Variants in PMEPA1 observed in about 807,000 individuals in gnomAD.
PMEPA1 encodes the protein protein TMEPAI.
A neutral mutation model predicts 23.0 loss-of-function variants in PMEPA1; 11 were observed. That is an observed-to-expected ratio of 0.48 (90% CI 0.30 to 0.79). PMEPA1 has a LOEUF of 0.79. Among genes scored for constraint, PMEPA1 ranks in the 30% least tolerant of loss-of-function variants. PMEPA1 has a pLI of 0.06. For synonymous variants in PMEPA1, 204 were observed against 166.4 expected (o/e 1.23, Z -1.74); for missense variants, 377 against 390.9 (o/e 0.96, Z 0.30).
rs376977701 is a variant in PMEPA1, at chr20:57,656,628, G to T, written c.264+2915C>A. Among the ~76,000 whole-genome samples, 1 of 152,164 alleles carries T rather than the reference G, an allele frequency of 6.6e-6. No homozygotes were observed. The highest frequency in any genetic ancestry group is 1.5e-5 in the Non-Finnish European group (1 of 68,026). ...GGTCGAGGGGCTTGCCTGCACTGGA[G>T]CCTCACCCTCAGAGGGCAGATCCTT... On this transcript the variant is annotated intron_variant, in intron 2 of 3. Transcript: ENST00000341744. The surrounding 1 kb of genome is among the most constrained non-coding windows in gnomAD (Gnocchi z 4.7).
chr20:57,694,038 C>T (rs1653022948), intron 1 of PMEPA1, among the ~76,000 whole-genome samples: 1 of 152,206 alleles, frequency 6.6e-6, no homozygotes, highest in African/African-American at 2.4e-5. Flanking sequence ...GCAGCAGGGC[C>T]ACAGCCTGGA....
intron 1 of PMEPA1, among the ~76,000 whole-genome samples, chr20:57,662,053 A>C (rs203371): frequency 6.8e-6 from 1 of 146,264 alleles, no homozygotes; most frequent in African/African-American, 2.6e-5. Flanking sequence ...CTGGGGCCGC[A>C]TCTGCACCCA....
chr20:57,684,663 A>G (rs867856884), intron 1 of PMEPA1, among the ~76,000 whole-genome samples: 30 of 152,346 alleles, frequency 2.0e-4, no homozygotes, highest in Middle Eastern at 3.4e-3. Context: ...CGCTATGGCA[A>G]TGAGGTTAAT....
At chr20:57,670,382 C>A (rs2071551946) in intron 1 of PMEPA1, among the ~76,000 whole-genome samples, 1 of 152,108 alleles carries the variant, frequency 6.6e-6, no homozygotes, top group Non-Finnish European at 1.5e-5. Context: ...CACCACCCGG[C>A]CTCAAGCCCC....
intron 1 of PMEPA1, among the ~76,000 whole-genome samples, chr20:57,707,558 G>A (rs575397946): frequency 6.6e-6 from 1 of 152,040 alleles, no homozygotes; most frequent in Non-Finnish European, 1.5e-5. Flanking sequence ...AGAGGGCGGC[G>A]GCAAGGCATT....
At chr20:57,659,875 G>A (rs2071388788) in intron 1 of PMEPA1, among the ~76,000 whole-genome samples, 178 bp from the exon 2 acceptor site, 2 of 152,252 alleles carry the variant, frequency 1.3e-5, no homozygotes, top group African/African-American at 4.8e-5. Context: ...TGGGGTACGT[G>A]CAGGGAAGCT....
rs1359036674 is a variant in PMEPA1 at position 57,652,577 on chromosome 20, G to C, written c.340C>G (p.Arg114Gly). 15 of 1,503,154 alleles carry C rather than the reference G, an allele frequency of 1.0e-5. No individual in the cohort carries two copies. The highest frequency in any genetic ancestry group is 1.3e-5 in the Non-Finnish European group (15 of 1,126,420). The allele number at this position is 1,503,154 out of a possible 1,614,324, so 93.1% of individuals were successfully genotyped here. ...GGCACGGCCAGGCGGTCGGTGGGCC[G>C]AGGCGGGGCGTAGACCTGCGGCTGG... ...IPEPQVYAPP[R>G]PTDRLAVPPF... Residue 114 changes from arginine to glycine, a missense_variant, in exon 4 of 4, where the codon CGG becomes GGG. Arg to Gly is a moderately radical substitution (Grantham distance 125). Around this residue, in one of 3 missense-constraint regions of PMEPA1, gnomAD observed 198 missense variants for 196.3 expected, o/e 1.01. Transcript: ENST00000341744. The surrounding 1 kb of genome is among the most constrained non-coding windows in gnomAD (Gnocchi z 6.1).
rs575307613 is a variant in PMEPA1, at chr20:57,689,976, T to A, written c.109+19498A>T. ...CAGCAGCCGAGGTCCATGGGGCACT[T>A]ACTGTGTGCGAGGCATTTGCTGAGC... On this transcript the variant is annotated intron_variant, in intron 1 of 3. Coordinates refer to ENST00000341744, the MANE Select transcript of PMEPA1 (RefSeq NM_020182.5). Among the ~76,000 whole-genome samples, 4 of 152,336 alleles carry A rather than the reference T, an allele frequency of 2.6e-5. No homozygotes were observed. The East Asian group carries it at 7.7e-4, about 29-fold the overall frequency.
chr20:57,671,278 T>G (rs958126609), intron 1 of PMEPA1, among the ~76,000 whole-genome samples: 5 of 152,010 alleles, frequency 3.3e-5, no homozygotes, highest in Non-Finnish European at 7.4e-5. Context: ...ATGTCGGAGG[T>G]GCATAACATC....
At chr20:57,666,492 G>T (rs1195781210) in intron 1 of PMEPA1, among the ~76,000 whole-genome samples, 2 of 152,214 alleles carry the variant, frequency 1.3e-5, no homozygotes, top group African/African-American at 4.8e-5. Context: ...CCAAGGCTCA[G>T]AAATGAGTTC....
chr20:57,663,846 G>T (rs1173506614), intron 1 of PMEPA1, among the ~76,000 whole-genome samples: 1 of 152,206 alleles, frequency 6.6e-6, no homozygotes, highest in Non-Finnish European at 1.5e-5. Context: ...AACACCCTGG[G>T]CCAAGGAGGC....
In PMEPA1 at chr20:57,659,569, G is replaced by T. The variant is rs760977982; in HGVS notation, c.238C>A (p.Arg80=). Residue 80 remains arginine (R), a synonymous_variant, in exon 2 of 4, where the codon CGG becomes AGG. Transcript: ENST00000341744. ...RSFISRHSQG[R]RREDALSSEG... ...GAGGACAGGGCATCTTCTCTCCTCC[G>T]CCCCTGGCTGTGCCGGCTGATGAAG... The T allele has an allele frequency of 6.2e-7, 1 of 1,613,878 alleles. No individual in the cohort carries two copies. The highest frequency in any genetic ancestry group is 8.5e-7 in the Non-Finnish European group (1 of 1,179,960).
At chr20:57,653,703 G>A (rs950480327) in intron 2 of PMEPA1, among the ~76,000 whole-genome samples, 1 of 152,180 alleles carries the variant, frequency 6.6e-6, no homozygotes, top group African/African-American at 2.4e-5. Context: ...GCCTCAACAA[G>A]CTCAGCCCGA....
rs752968841 is a variant in PMEPA1 at position 57,651,835 on chromosome 20, GTTTT to G, written c.*214_*217del. 47 of 305,396 alleles carry G rather than the reference GTTTT, an allele frequency of 1.5e-4. No homozygotes were observed. The highest frequency in any genetic ancestry group is 2.6e-4 in the African/African-American group (11 of 42,796). The allele number at this position is 305,396 out of a possible 1,614,324, so 18.9% of individuals were successfully genotyped here. On this transcript the variant is annotated 3_prime_UTR_variant, in exon 4 of 4. Coordinates refer to ENST00000341744, the MANE Select transcript of PMEPA1 (RefSeq NM_020182.5). The stretch of plus-strand genomic sequence containing the variant: ...AGACACAGCTCAACAAAGAAACGTG[GTTTT>G]TTTTTTTCTTTTTTCTTTTTTTTTT...
intron 1 of PMEPA1, among the ~76,000 whole-genome samples, chr20:57,686,656 C>A (rs1033721731): frequency 2.0e-5 from 3 of 152,260 alleles, no homozygotes; most frequent in African/African-American, 7.2e-5. Context: ...CGGCCTCTTT[C>A]AACAGCGAGG....
chr20:57,700,016 C>G lies in PMEPA1; in HGVS notation c.109+9458G>C, dbSNP rs571379644. ...CGTGGCTCTAAATATAAAAACACAC[C>G]TTTTTGTATTCTTAACCACTGACAC... On this transcript the variant is annotated intron_variant, in intron 1 of 3. Transcript: ENST00000341744. 8.1e-5 allele frequency: 38 copies of G among 471,004 alleles called. 1 individual carries two copies. Among genetic ancestry groups the G allele is most frequent in the South Asian group, 5.9e-4 (38 of 64,558 alleles). 29.2% of individuals were successfully genotyped at this position (471,004 alleles called of 1,614,324 possible). A position where few individuals can be genotyped will look rare whatever the true frequency, so the allele number is the denominator to read the frequency against.
chr20:57,660,333 ACAC>A (rs2071395598), intron 1 of PMEPA1, among the ~76,000 whole-genome samples: 1 of 151,972 alleles, frequency 6.6e-6, no homozygotes, highest in Non-Finnish European at 1.5e-5. Context: ...ACTCCTACAC[ACAC>A]AACACCAACA....
intron 1 of PMEPA1, among the ~76,000 whole-genome samples, chr20:57,684,090 G>A (rs764421222): frequency 5.3e-5 from 8 of 152,166 alleles, no homozygotes; most frequent in Admixed American, 3.3e-4. Flanking sequence ...GAAATGAGAC[G>A]CAGTTTAGGG....
chr20:57,673,092 C>T (rs1299567975), intron 1 of PMEPA1, among the ~76,000 whole-genome samples: 3 of 149,438 alleles, frequency 2.0e-5, no homozygotes, highest in Non-Finnish European at 4.5e-5. Flanking sequence ...GGCCCCCGCC[C>T]CGACTTCATC....
Sources: gnomAD v4.1 joint callset for allele counts (sites outside exome capture counted in the v4.1 genomes callset) on GRCh38, gnomAD v4.1.1 for gene constraint, gnomAD v4.1.1 regional missense constraint, Gnocchi (gnomAD v3.1) non-coding constraint, MANE v1.5 for transcripts, NCBI Gene and HGNC (gene_info 2026-07-23, HGNC 2026-07-21) for gene names.